The following EPB42 variants were observed in gnomAD, a reference collection of about 807,000 sequenced individuals.
The protein encoded by EPB42 is protein 4.2.
Under a neutral mutation model 76.9 loss-of-function variants are expected in EPB42, and 49 were observed. The observed-to-expected ratio is 0.64, with a 90% CI of 0.51 to 0.81. The LOEUF is 0.81. Among genes scored for constraint, EPB42 ranks in the 30% least tolerant of loss-of-function variants. EPB42 has a pLI of 0.00. For missense variants in EPB42, 731 were observed against 867.6 expected (o/e 0.84, Z 1.98); for synonymous variants, 310 against 338.4 (o/e 0.92, Z 0.92).
chr15:43,207,579 G>A (rs1057170902), intron 8 of EPB42, 138 bp from the exon 9 acceptor site: 1 of 1,394,580 alleles, frequency 7.2e-7, no homozygotes, highest in Non-Finnish European at 9.8e-7. Context: ...CACTAGGCAG[G>A]GTTTCTGAGA....
rs1230807173 is a variant in EPB42 at position 43,211,354 on chromosome 15, C to G, written c.549+62G>C. On this transcript the variant is annotated intron_variant, in intron 4 of 12. Transcript: ENST00000441366. ...TTTGGACCTACCAGCTCTGTCTAGC[C>G]TCAACATGCAAGGTTATGGGACAGT... The G allele has an allele frequency of 8.3e-6, 9 of 1,088,310 alleles. No homozygotes were observed. The African/African-American group carries it at 1.2e-4, about 15-fold the overall frequency. 67.4% of individuals were successfully genotyped at this position (1,088,310 alleles called of 1,614,324 possible). A position where few individuals can be genotyped will look rare whatever the true frequency, so the allele number is the denominator to read the frequency against.
intron 10 of EPB42, among the ~76,000 whole-genome samples, chr15:43,205,211 G>A (rs1218794482): frequency 6.6e-6 from 1 of 152,034 alleles, no homozygotes; most frequent in East Asian, 1.9e-4. Context: ...CAGTTCTCAC[G>A]CCACTCTCCC....
chr15:43,213,420 C>T (rs2042329892), intron 3 of EPB42, among the ~76,000 whole-genome samples: 1 of 152,212 alleles, frequency 6.6e-6, no homozygotes, highest in African/African-American at 2.4e-5. Context: ...TGAGCGGAGC[C>T]AATGACTCTC....
intron 3 of EPB42, among the ~76,000 whole-genome samples, chr15:43,212,832 T>C (rs898997404): frequency 1.3e-5 from 2 of 152,194 alleles, no homozygotes; most frequent in African/African-American, 4.8e-5. Flanking sequence ...GGCTAATCAC[T>C]CTGACCCAGT....
intron 1 of EPB42, among the ~76,000 whole-genome samples, chr15:43,217,266 C>G (rs549498080): frequency 6.6e-6 from 1 of 152,204 alleles, no homozygotes; most frequent in Non-Finnish European, 1.5e-5. Context: ...TTCACTCTCT[C>G]TCTCTCTTTC....
At chr15:43,225,112 CAAT>C (rs2042496445), upstream of EPB42, among the ~76,000 whole-genome samples, 1 of 152,158 alleles carries the variant, frequency 6.6e-6, no homozygotes, top group African/African-American at 2.4e-5. Flanking sequence ...AGGTAGAGAA[CAAT>C]GTGAATAGTA....
chr15:43,216,642 T>G (rs958632664), intron 1 of EPB42, among the ~76,000 whole-genome samples, 189 bp from the exon 2 acceptor site: 1 of 152,168 alleles, frequency 6.6e-6, no homozygotes, highest in African/African-American at 2.4e-5. Context: ...TAATCATCCC[T>G]CCCTTCAGAG....
rs2271965 is a variant in EPB42 at position 43,206,678 on chromosome 15, T to C, written c.1319-49A>G. 0.013 allele frequency: 21,122 copies of C among 1,605,450 alleles called. 2,066 individuals are homozygous for C. In the African/African-American group the frequency reaches 0.23, roughly 17 times the overall value. On this transcript the variant is annotated intron_variant, in intron 9 of 12. Coordinates refer to ENST00000441366, the MANE Select transcript of EPB42 (RefSeq NM_001114134.2). This position sits in a 1 kb window ranked among gnomAD's most constrained non-coding sequence, Gnocchi z 4.7. ...TGACCTTTTACCCGGGTGGTATAAATGCTTCTAATAAAACCCTGGGAATCA... is the reference window on the plus strand; with the variant it reads ...TGACCTTTTACCCGGGTGGTATAAACGCTTCTAATAAAACCCTGGGAATCA...
At chr15:43,225,625 A>C (rs1047922987), upstream of EPB42, among the ~76,000 whole-genome samples, 6 of 152,286 alleles carry the variant, frequency 3.9e-5, no homozygotes, top group South Asian at 1.2e-3. Flanking sequence ...CTCTGCCACC[A>C]AGGAGCTTCT....
intron 10 of EPB42, among the ~76,000 whole-genome samples, chr15:43,204,962 C>A: frequency 2.3e-5 from 1 of 42,782 alleles, no homozygotes; most frequent in Non-Finnish European, 7.3e-5. Context: ...GCTGCCCCCT[C>A]CGCCCCCCCC....
chr15:43,198,543 G>C (rs1026131363), intron 12 of EPB42, among the ~76,000 whole-genome samples: 1 of 152,154 alleles, frequency 6.6e-6, no homozygotes, highest in African/African-American at 2.4e-5. Context: ...AAGGCATTCA[G>C]TTTTATAAAG....
Position 43,206,616 on chromosome 15 carries a change from T to G in EPB42, c.1332A>C (p.Glu444Asp). Residue 444 changes from glutamate (E) to aspartate (D), a missense_variant, in exon 10 of 13, where the codon GAA becomes GAC. Transcript: ENST00000441366. This position sits in a 1 kb window ranked among gnomAD's most constrained non-coding sequence, Gnocchi z 4.7. ...NYKYPEGSLQ[E>D]KEVLERVEKE... Reference sequence around the variant, plus strand: ...TCTCGACTCTCTCCAGCACCTCTTTTTCCTGAAGAGACCCTGGAGAAGGGA... The same window carrying G: ...TCTCGACTCTCTCCAGCACCTCTTTGTCCTGAAGAGACCCTGGAGAAGGGA... 9 of 1,614,220 alleles carry G rather than the reference T, an allele frequency of 5.6e-6. No individual in the cohort carries two copies. Among genetic ancestry groups the G allele is most frequent in the Non-Finnish European group, 7.6e-6 (9 of 1,180,034 alleles).
At chr15:43,212,007 C>A (rs890883380) in intron 3 of EPB42, among the ~76,000 whole-genome samples, 2 of 151,892 alleles carry the variant, frequency 1.3e-5, no homozygotes, top group African/African-American at 4.8e-5. Flanking sequence ...TTTGAGGTTG[C>A]AATGAGCTAT....
At chr15:43,220,721 C>A (rs2042448449) in intron 1 of EPB42, 95 bp downstream of exon 1, 1 of 1,611,760 alleles carries the variant, frequency 6.2e-7, no homozygotes, top group Non-Finnish European at 8.5e-7. Flanking sequence ...CATCTCCCCG[C>A]CTACCATCCA....
intron 12 of EPB42, among the ~76,000 whole-genome samples, chr15:43,200,502 C>T (rs1393381647): frequency 6.6e-6 from 1 of 151,954 alleles, no homozygotes; most frequent in African/African-American, 2.4e-5. Flanking sequence ...CACAGAAACA[C>T]CAAAAGAAAA....
chr15:43,208,324 C>G lies in EPB42; in HGVS notation c.981G>C (p.Gln327His). 1 of 1,614,030 alleles carries G rather than the reference C, an allele frequency of 6.2e-7. No individual in the cohort carries two copies. The highest frequency in any genetic ancestry group is 8.5e-7 in the Non-Finnish European group (1 of 1,179,964). The change falls in exon 8 of 13, where the codon CAG (glutamine) becomes CAC (histidine). Residue 327 changes from glutamine (Q) to histidine (H), a missense_variant. Transcript: ENST00000441366. ...GCGTCATCCAGCACTCTGTGGAAGT[C>G]TGGAAGATCCTGAATGCAGCAAAGA... ...EGQRGRIWIFQTSTECWMTRP... is the reference protein window; with the variant it reads ...EGQRGRIWIFHTSTECWMTRP...
rs1234627015 is a variant in EPB42 at position 43,215,244 on chromosome 15, A to T, written c.281T>A (p.Val94Glu). The T allele has an allele frequency of 3.1e-6, 5 of 1,614,160 alleles. No individual in the cohort carries two copies. The highest frequency in any genetic ancestry group is 4.2e-6 in the Non-Finnish European group (5 of 1,180,012). Residue 94 changes from valine (V) to glutamate (E), a missense_variant, in exon 3 of 13, where the codon GTG becomes GAG. By Grantham distance (121) the Val-to-Glu change is moderately radical. Transcript: ENST00000441366. ...CCAGGACTGGGCATCTCTCTCCTCC[A>T]CCACTGCACTCCACCACTTTCGGTC... ...LGDRKWWSAV[V>E]EERDAQSWTI...
upstream of EPB42, among the ~76,000 whole-genome samples, chr15:43,225,378 C>A (rs1272537228): frequency 2.0e-5 from 3 of 152,174 alleles, no homozygotes; most frequent in African/African-American, 7.2e-5. Context: ...CCACAGAGGG[C>A]CCCTTACCTA....
rs750584520 is a variant in EPB42, at chr15:43,203,158, G to A, written c.1736C>T (p.Ala579Val). Residue 579 changes from alanine (A) to valine (V), a missense_variant, in exon 11 of 13, where the codon GCT becomes GTT. Physicochemically the swap from Ala to Val is moderately conservative, Grantham distance 64. Transcript: ENST00000441366. ...THSESNLSCF[A>V]QEDIAICRPH... ...TCTACAAATGGCAATGTCTTCCTGA[G>A]CAAAGCAGCTAAGGTTGGATTCAGA... The A allele has an allele frequency of 6.2e-7, 1 of 1,614,112 alleles. No individual in the cohort carries two copies. The highest frequency in any genetic ancestry group is 2.2e-5 in the East Asian group (1 of 44,870).
Sources: allele counts gnomAD v4.1 joint callset (sites outside exome capture counted in the v4.1 genomes callset), GRCh38; gene constraint gnomAD v4.1.1; non-coding constraint Gnocchi (gnomAD v3.1); transcripts MANE v1.5; gene names NCBI Gene and HGNC (gene_info 2026-07-23, HGNC 2026-07-21).